ANK2: variants seen among roughly 807,000 people sequenced by gnomAD.
ANK2 encodes ankyrin 2.
In ANK2, 83 loss-of-function variants were observed where a neutral mutation model predicts 360.5. That is an observed-to-expected ratio of 0.23 (90% CI 0.19 to 0.28). The LOEUF is 0.28. Among genes scored for constraint, ANK2 ranks in the 10% least tolerant of loss-of-function variants. ANK2 has a pLI of 1.00. For synonymous variants in ANK2, 1,740 were observed against 1,759.5 expected (o/e 0.99, Z 0.28); for missense variants, 4,201 against 4,795.7 (o/e 0.88, Z 3.66).
intron 29 of ANK2, among the ~76,000 whole-genome samples, chr4:113,333,555 A>G (rs1214274173): frequency 6.6e-6 from 1 of 152,202 alleles, no homozygotes; most frequent in East Asian, 1.9e-4. Context: ...TCATAACGAA[A>G]TGAACTGATA....
At chr4:113,231,057 T>C (rs75938754) in intron 4 of ANK2, among the ~76,000 whole-genome samples, 1 of 151,414 alleles carries the variant, frequency 6.6e-6, no homozygotes, top group African/African-American at 2.4e-5. Context: ...TTTTTTTTTT[T>C]TTCTTTTTTT....
intron 1 of ANK2, among the ~76,000 whole-genome samples, chr4:113,147,186 G>A (rs563407127): frequency 5.3e-5 from 8 of 152,094 alleles, no homozygotes; most frequent in Non-Finnish European, 7.4e-5. Context: ...AAAAAAGGTG[G>A]GGAGGGAGGC....
chr4:113,085,709 G>A (rs897853731), intron 1 of ANK2, among the ~76,000 whole-genome samples: 1 of 152,128 alleles, frequency 6.6e-6, no homozygotes, highest in African/African-American at 2.4e-5. Flanking sequence ...TTATTTGAAG[G>A]GCCTGTTAGA....
chr4:113,166,127 T>G (rs549090714), intron 1 of ANK2, among the ~76,000 whole-genome samples: 6 of 152,284 alleles, frequency 3.9e-5, no homozygotes, highest in Non-Finnish European at 7.4e-5. Context: ...ACGAGAACTT[T>G]AAATTTTAAA....
rs570142961 is a variant in ANK2, at chr4:112,957,715, G to A, written c.21+53201G>A. ...GGGCTGACCCCCCCACCTCCCTCCC[G>A]GACGGGGTGGCTGCCGGGCGGAGAC... is the stretch of plus-strand genomic sequence containing the variant. On this transcript the variant is annotated intron_variant, in intron 2 of 30. Coordinates refer to the ANK2 transcript ENST00000503271. 5.2e-4 allele frequency among the ~76,000 whole-genome samples: 77 copies of A among 149,236 alleles called. No individual in the cohort carries two copies. The East Asian group carries it at 8.2e-3, about 16-fold the overall frequency.
chr4:113,207,704 A>AAG (rs2098969755), intron 4 of ANK2, among the ~76,000 whole-genome samples: 1 of 150,384 alleles, frequency 6.6e-6, no homozygotes, highest in Non-Finnish European at 1.5e-5. Context: ...AAAAAAAAAA[A>AAG]AAGAAGAAGT....
intron 2 of ANK2, among the ~76,000 whole-genome samples, chr4:112,912,100 C>T (rs2087747489): frequency 6.6e-6 from 1 of 151,874 alleles, no homozygotes; most frequent in Non-Finnish European, 1.5e-5. Context: ...TGGTGTGGAC[C>T]CCGGAGGTGG....
intron 1 of ANK2, among the ~76,000 whole-genome samples, chr4:112,834,441 A>G (rs1257430900): frequency 2.0e-5 from 3 of 152,232 alleles, no homozygotes; most frequent in Non-Finnish European, 4.4e-5. Flanking sequence ...CAGATTCATT[A>G]TATCATTTTC....
chr4:113,260,463 A>C (rs1161047119), intron 13 of ANK2, among the ~76,000 whole-genome samples: 1 of 152,132 alleles, frequency 6.6e-6, no homozygotes, highest in East Asian at 1.9e-4. Context: ...AGCTCCCTCA[A>C]AACAAATTCT....
At chr4:112,958,627 A>C (rs1259217982) in intron 2 of ANK2, among the ~76,000 whole-genome samples, 1 of 147,738 alleles carries the variant, frequency 6.8e-6, no homozygotes, top group Non-Finnish European at 1.5e-5. Context: ...GAGAGGGGGG[A>C]GAGGGAGAGG....
In ANK2 at chr4:113,021,541, C is replaced by CATATATAT. The variant is rs57817594; in HGVS notation, c.21+117058_21+117065dup. Among the ~76,000 whole-genome samples, 283 of 95,540 alleles carry CATATATAT rather than the reference C, an allele frequency of 3.0e-3. 3 individuals are homozygous for CATATATAT. Among genetic ancestry groups the CATATATAT allele is most frequent in the African/African-American group, 6.2e-3 (163 of 26,122 alleles). 62.7% of individuals were successfully genotyped at this position (95,540 alleles called of 152,430 possible). ...ATACACACACACACCCACACACAAA[C>CATATATAT]ATATATATATATATATATATATATA... On this transcript the variant is annotated intron_variant, in intron 2 of 30. Transcript: ENST00000503271.
intron 10 of ANK2, among the ~76,000 whole-genome samples, chr4:113,252,823 A>C (rs1419612779): frequency 1.3e-5 from 2 of 152,154 alleles, no homozygotes; most frequent in Non-Finnish European, 2.9e-5. Context: ...CATGCAATCA[A>C]ATGTGGCTAC....
intron 1 of ANK2, among the ~76,000 whole-genome samples, chr4:112,846,066 A>G (rs1169337394): frequency 6.6e-6 from 1 of 152,216 alleles, no homozygotes; most frequent in Non-Finnish European, 1.5e-5. Flanking sequence ...TTCTTGAAAC[A>G]GTAGTCTTTC....
chr4:113,168,386 T>C (rs1161968282), intron 1 of ANK2, among the ~76,000 whole-genome samples: 1 of 152,234 alleles, frequency 6.6e-6, no homozygotes, highest in Non-Finnish European at 1.5e-5. Flanking sequence ...CTTCTTCCCC[T>C]AACTAAAGCA....
intron 1 of ANK2, among the ~76,000 whole-genome samples, chr4:113,093,587 A>G (rs2089623514): frequency 6.6e-6 from 1 of 152,126 alleles, no homozygotes; most frequent in African/African-American, 2.4e-5. Context: ...TGATCTGCCT[A>G]CCTTGGCCTT....
chr4:113,344,649 G>A (rs1356709292), intron 34 of ANK2, among the ~76,000 whole-genome samples: 3 of 151,990 alleles, frequency 2.0e-5, no homozygotes, highest in Non-Finnish European at 2.9e-5. Context: ...AAGTCCAAAG[G>A]TCCACAAACA....
intron 1 of ANK2, chr4:112,827,473 TC>T: frequency 7.4e-7 from 1 of 1,352,816 alleles, no homozygotes; most frequent in Non-Finnish European, 1.1e-6. Context: ...TTCTGGGACA[TC>T]CAGCCTGACA....
intron 2 of ANK2, among the ~76,000 whole-genome samples, chr4:112,927,942 G>A (rs933134050): frequency 1.3e-5 from 2 of 152,096 alleles, no homozygotes; most frequent in Non-Finnish European, 2.9e-5. Flanking sequence ...GATACTTTCC[G>A]TAGTTAATTA....
In ANK2 at chr4:112,866,422, A is replaced by G. The variant is rs554601716; in HGVS notation, c.-39-38033A>G. ...GTGAGTGAGTGACTAAACCCACACT[A>G]TGTAATAAAAATAACATGAAGTTGA... On this transcript the variant is annotated intron_variant, in intron 1 of 30. Transcript: ENST00000503271. 5.9e-5 allele frequency among the ~76,000 whole-genome samples: 9 copies of G among 152,352 alleles called. No homozygotes were observed. In the East Asian group the frequency reaches 1.5e-3, roughly 26 times the overall value.
Sources: allele counts gnomAD v4.1 joint callset (sites outside exome capture counted in the v4.1 genomes callset), GRCh38; gene constraint gnomAD v4.1.1; transcripts MANE v1.5; gene names NCBI Gene and HGNC (gene_info 2026-07-23, HGNC 2026-07-21).